Variants in GLYR1 observed in about 807,000 individuals in gnomAD.
GLYR1 encodes the protein cytokine-like nuclear factor N-PAC.
In GLYR1, 21 loss-of-function variants were observed where a neutral mutation model predicts 72.7. The observed-to-expected ratio is 0.29, with a 90% confidence interval of 0.20 to 0.42. GLYR1 has a LOEUF of 0.42. Ranked by LOEUF, GLYR1 falls within the 10% of genes least tolerant of loss-of-function variation. GLYR1 has a pLI of 1.00. For synonymous variants in GLYR1, 392 were observed against 270.2 expected (o/e 1.45, Z -4.42); for missense variants, 594 against 712.1 (o/e 0.83, Z 1.89).
intron 9 of GLYR1, among the ~76,000 whole-genome samples, chr16:4,819,365 G>C (rs1265089418): frequency 6.6e-6 from 1 of 151,776 alleles, no homozygotes; most frequent in Non-Finnish European, 1.5e-5. Context: ...TGGAGTGCAG[G>C]GGGGTGATCA....
At chr16:4,827,838 T>C (rs1429594457) in intron 5 of GLYR1, among the ~76,000 whole-genome samples, 1 of 151,648 alleles carries the variant, frequency 6.6e-6, no homozygotes, top group Non-Finnish European at 1.5e-5. Context: ...AGGCGGAGCT[T>C]GCAGTGAGCC....
At chr16:4,841,651 GAACAACAACAAC>G (rs140268529) in intron 3 of GLYR1, among the ~76,000 whole-genome samples, 182 of 150,106 alleles carry the variant, frequency 1.2e-3, no homozygotes, top group African/African-American at 4.3e-3. Context: ...AACCAAACAA[GAACAACAACAAC>G]AACAACAACA....
intron 3 of GLYR1, among the ~76,000 whole-genome samples, chr16:4,842,255 AAC>A (rs1483761587): frequency 6.0e-5 from 9 of 149,176 alleles, no homozygotes; most frequent in African/African-American, 1.7e-4. Context: ...AAAAAAAAAA[AAC>A]AACAACAAAA....
At chr16:4,807,515 C>T (rs1395464323) in intron 15 of GLYR1, among the ~76,000 whole-genome samples, 1 of 152,182 alleles carries the variant, frequency 6.6e-6, no homozygotes, top group Non-Finnish European at 1.5e-5. Context: ...AATTGAACCA[C>T]ATATCAATAC....
intron 3 of GLYR1, chr16:4,843,755 G>A (rs2085732644): frequency 1.5e-6 from 1 of 661,452 alleles, no homozygotes; most frequent in Admixed American, 3.8e-5. Flanking sequence ...TCAAATCTAA[G>A]GCTGTATTTT....
intron 3 of GLYR1, among the ~76,000 whole-genome samples, chr16:4,838,423 C>G (rs1396842417): frequency 3.9e-5 from 6 of 152,112 alleles, no homozygotes; most frequent in African/African-American, 1.4e-4. Flanking sequence ...GCTGTGAGGA[C>G]TGGAGGGGAA....
intron 7 of GLYR1, among the ~76,000 whole-genome samples, chr16:4,821,998 A>G (rs2084061298): frequency 6.6e-6 from 1 of 152,156 alleles, no homozygotes; most frequent in South Asian, 2.1e-4. Context: ...CTGCCATGCA[A>G]TTTCATGGGG....
chr16:4,835,852 A>C (rs1192943488), intron 3 of GLYR1, among the ~76,000 whole-genome samples: 6 of 152,196 alleles, frequency 3.9e-5, no homozygotes, highest in Non-Finnish European at 7.3e-5. Flanking sequence ...CAACAAAAAA[A>C]CCCAGCTTAC....
At chr16:4,825,842 C>T (rs1397283438) in intron 5 of GLYR1, among the ~76,000 whole-genome samples, 14 of 151,598 alleles carry the variant, frequency 9.2e-5, no homozygotes, top group South Asian at 2.1e-4. Flanking sequence ...TTAGTAGAGA[C>T]GGGGTTTCAC....
intron 14 of GLYR1, 150 bp downstream of exon 14, chr16:4,811,473 C>A (rs1468648465): frequency 2.4e-6 from 3 of 1,244,400 alleles, no homozygotes; most frequent in African/African-American, 3.0e-5. Context: ...CCTATATCCC[C>A]AAATCCCGCC....
intron 3 of GLYR1, chr16:4,843,826 T>A: frequency 5.1e-6 from 1 of 196,792 alleles, no homozygotes; most frequent in South Asian, 6.4e-5. Flanking sequence ...CTGGGCATGG[T>A]GGCTCTTGCC....
chr16:4,804,933 C>CTG lies in GLYR1; in HGVS notation c.*301_*302dup, dbSNP rs143624351. On this transcript the variant is annotated 3_prime_UTR_variant, in exon 16 of 16. Transcript: ENST00000321919. ...GCAGCTTCTATCCTGGGGCGAGAGC[C>CTG]TGTGTGTGTGTGTGTGTGTGTGTGT... The CTG allele has an allele frequency of 0.24, 70,922 of 296,148 alleles. 5,898 individuals are homozygous for CTG. The highest frequency in any genetic ancestry group is 0.25 in the Admixed American group (5,782 of 23,118). 18.3% of individuals were successfully genotyped at this position (296,148 alleles called of 1,614,324 possible). A position where few individuals can be genotyped will look rare whatever the true frequency, so the allele number is the denominator to read the frequency against.
intron 12 of GLYR1, 77 bp from the exon 13 acceptor site, chr16:4,812,325 G>A: frequency 1.4e-6 from 2 of 1,480,828 alleles, no homozygotes; most frequent in East Asian, 2.4e-5. Flanking sequence ...GAGTGTTGCT[G>A]AGTGGCCACG....
Position 4,823,041 on chromosome 16 carries a change from T to C in GLYR1, c.625-110A>G. 4 of 896,464 alleles carry C rather than the reference T, an allele frequency of 4.5e-6. 1 individual carries two copies. In the South Asian group the frequency reaches 5.6e-5, roughly 12 times the overall value. 55.5% of individuals were successfully genotyped at this position (896,464 alleles called of 1,614,324 possible). A position where few individuals can be genotyped will look rare whatever the true frequency, so the allele number is the denominator to read the frequency against. On this transcript the variant is annotated intron_variant, in intron 6 of 15. Coordinates refer to ENST00000321919, the MANE Select transcript of GLYR1 (RefSeq NM_032569.4). ...GCTGCAACACCTCTGGATTCTGGTC[T>C]CTTTTTCACAATTGTCTGGAAACTC...
In GLYR1 at chr16:4,832,216, T is replaced by C. The variant is rs150234085; in HGVS notation, c.300A>G (p.Ser100=). 3.1e-6 allele frequency: 5 copies of C among 1,613,944 alleles called. No homozygotes were observed. The highest frequency in any genetic ancestry group is 4.2e-6 in the Non-Finnish European group (5 of 1,179,986). ...TCTTGTCATCAGAAGAATTGTGGGATGACGTCTGAAAGTTTAATAATAATA... is the reference window on the plus strand; with the variant it reads ...TCTTGTCATCAGAAGAATTGTGGGACGACGTCTGAAAGTTTAATAATAATA... ...LRRAKGKDQT[S]SHNSSDDKNR... is the part of the protein sequence containing the mutation. The change falls in exon 5 of 16, where the codon TCA becomes TCG. Residue 100 remains serine (S), a synonymous_variant. Coordinates refer to ENST00000321919, the MANE Select transcript of GLYR1 (RefSeq NM_032569.4).
At chr16:4,825,650 C>T (rs1379148208) in intron 5 of GLYR1, among the ~76,000 whole-genome samples, 1 of 136,080 alleles carries the variant, frequency 7.3e-6, no homozygotes, top group African/African-American at 2.8e-5. Flanking sequence ...GAATTATTAT[C>T]ATCTTCTTTT....
chr16:4,823,146 G>C (rs141498725), intron 6 of GLYR1, among the ~76,000 whole-genome samples: 1 of 152,362 alleles, frequency 6.6e-6, no homozygotes, highest in East Asian at 1.9e-4. Context: ...AAGTGTAAAA[G>C]AATAGATGAT....
intron 6 of GLYR1, among the ~76,000 whole-genome samples, chr16:4,823,278 A>G (rs768801138): frequency 6.6e-6 from 1 of 152,228 alleles, no homozygotes; most frequent in Non-Finnish European, 1.5e-5. Flanking sequence ...ACTAAGTCAC[A>G]TCTATTCTGG....
At chr16:4,828,130 C>T (rs545465055) in intron 5 of GLYR1, among the ~76,000 whole-genome samples, 3 of 151,584 alleles carry the variant, frequency 2.0e-5, no homozygotes, top group East Asian at 4.0e-4. Context: ...GGTGCAGTGG[C>T]GTGATCTCGG....
Sources: gnomAD v4.1 joint callset for allele counts (sites outside exome capture counted in the v4.1 genomes callset) on GRCh38, gnomAD v4.1.1 for gene constraint, MANE v1.5 for transcripts, NCBI Gene and HGNC (gene_info 2026-07-23, HGNC 2026-07-21) for gene names.